FOXK2: variants seen among roughly 807,000 people sequenced by gnomAD.
The protein encoded by FOXK2 is forkhead box K2, also known as forkhead box protein K2.
In FOXK2, 24 loss-of-function variants were observed where a neutral mutation model predicts 53.3. The ratio of observed to expected loss-of-function variants is 0.45; its 90% CI spans 0.33 to 0.63. The LOEUF (loss-of-function observed/expected upper bound fraction) is 0.63. Among genes scored for constraint, FOXK2 ranks in the 30% least tolerant of loss-of-function variants. The pLI is 0.03. For missense variants in FOXK2, 952 were observed against 910.5 expected (o/e 1.05, Z -0.59); for synonymous variants, 505 against 407.1 (o/e 1.24, Z -2.89).
chr17:82,555,128 T>C (rs1203749316), intron 1 of FOXK2, among the ~76,000 whole-genome samples: 1 of 152,198 alleles, frequency 6.6e-6, no homozygotes, highest in Non-Finnish European at 1.5e-5. Flanking sequence ...CTCATCAGCC[T>C]AGTGTCTTCC....
At chr17:82,594,465 TC>T (rs1487720448) in intron 8 of FOXK2, among the ~76,000 whole-genome samples, 2 of 128,284 alleles carry the variant, frequency 1.6e-5, no homozygotes, top group Non-Finnish European at 3.1e-5. Context: ...GCCACTGCAC[TC>T]CCGCCTGGGC....
chr17:82,568,231 C>T (rs1471395544), intron 3 of FOXK2, 30 bp downstream of exon 3: 1 of 1,609,692 alleles, frequency 6.2e-7, no homozygotes, highest in Non-Finnish European at 8.5e-7. Context: ...GAAGCAGCCC[C>T]TGGGGGACAG....
chr17:82,585,848 C>T (rs529602671), intron 6 of FOXK2, 56 bp from the exon 7 acceptor site: 16 of 1,556,318 alleles, frequency 1.0e-5, no homozygotes, highest in South Asian at 4.7e-5. Context: ...GTGTGAGAAC[C>T]TTTGTTTGTA....
chr17:82,587,286 G>C lies in FOXK2; in HGVS notation c.1786+14G>C, dbSNP rs1178390800. Reference sequence around the variant, plus strand: ...AGGTGAACAATGGTAAGACATGCTGGTCGGTGGCTCCCCGTGGCTGTGGGT... The same window carrying C: ...AGGTGAACAATGGTAAGACATGCTGCTCGGTGGCTCCCCGTGGCTGTGGGT... On this transcript the variant is annotated intron_variant, in intron 8 of 8. Transcript: ENST00000335255. 13 of 1,605,430 alleles carry C rather than the reference G, an allele frequency of 8.1e-6. No homozygotes were observed. The highest frequency in any genetic ancestry group is 1.1e-5 in the Non-Finnish European group (13 of 1,173,818).
chr17:82,561,311 G>A (rs1052718071), intron 1 of FOXK2, among the ~76,000 whole-genome samples: 1 of 152,014 alleles, frequency 6.6e-6, no homozygotes, highest in East Asian at 1.9e-4. Context: ...CATATGAGGG[G>A]CCAGAGTGTA....
At chr17:82,591,926 T>C (rs191213519) in intron 8 of FOXK2, among the ~76,000 whole-genome samples, 1 of 152,216 alleles carries the variant, frequency 6.6e-6, no homozygotes. Flanking sequence ...TGTTTTGAGA[T>C]ACTGTCTTGC....
chr17:82,555,570 G>A (rs892291319), intron 1 of FOXK2, among the ~76,000 whole-genome samples: 4 of 152,170 alleles, frequency 2.6e-5, no homozygotes, highest in Admixed American at 6.5e-5. Flanking sequence ...TGTCCATGCA[G>A]TCACAACCCA....
At chr17:82,559,380 C>T in intron 1 of FOXK2, 1 of 456,358 alleles carries the variant, frequency 2.2e-6, no homozygotes, top group Non-Finnish European at 4.4e-6. Context: ...TGTGCAGAGC[C>T]CAGCAGAGAT....
At chr17:82,541,774 G>T (rs957497097) in intron 1 of FOXK2, among the ~76,000 whole-genome samples, 3 of 151,320 alleles carry the variant, frequency 2.0e-5, no homozygotes, top group African/African-American at 4.9e-5. Flanking sequence ...GCAGTGGTGC[G>T]ATCATGGCTC....
intron 2 of FOXK2, among the ~76,000 whole-genome samples, chr17:82,566,512 C>G (rs2044852964): frequency 6.6e-6 from 1 of 152,134 alleles, no homozygotes; most frequent in Non-Finnish European, 1.5e-5. Context: ...GTCCTGCCGC[C>G]CAGTGCTTAT....
intron 6 of FOXK2, among the ~76,000 whole-genome samples, chr17:82,584,869 G>A (rs571022377): frequency 2.0e-5 from 3 of 152,302 alleles, no homozygotes; most frequent in African/African-American, 7.2e-5. Flanking sequence ...TCCATTTTAA[G>A]GAATAGGTAA....
chr17:82,548,319 A>G (rs2044646175), intron 1 of FOXK2, among the ~76,000 whole-genome samples: 1 of 151,688 alleles, frequency 6.6e-6, no homozygotes, highest in Non-Finnish European at 1.5e-5. Context: ...TATATTAGCC[A>G]TTATCTGGGT....
intron 1 of FOXK2, among the ~76,000 whole-genome samples, chr17:82,548,152 A>C (rs564616713): frequency 1.3e-5 from 2 of 152,304 alleles, no homozygotes; most frequent in South Asian, 2.1e-4. Context: ...GATAACTACA[A>C]GTACGAGTGG....
chr17:82,549,003 C>G (rs573192348), intron 1 of FOXK2, among the ~76,000 whole-genome samples: 130 of 152,336 alleles, frequency 8.5e-4, no homozygotes, highest in Middle Eastern at 6.8e-3. Flanking sequence ...GTCTGGTGAT[C>G]CAGATGAGAG....
chr17:82,559,091 A>G (rs1234415972), intron 1 of FOXK2, among the ~76,000 whole-genome samples: 1 of 151,688 alleles, frequency 6.6e-6, no homozygotes, highest in African/African-American at 2.4e-5. Flanking sequence ...ATGGGGTTTC[A>G]CCGTGTTGGT....
At chr17:82,577,167 A>G (rs919066131) in intron 4 of FOXK2, 24 of 923,500 alleles carry the variant, frequency 2.6e-5, no homozygotes, top group Admixed American at 2.5e-4. Flanking sequence ...CGTCTCAAAA[A>G]AAGAAAAAGA....
intron 1 of FOXK2, among the ~76,000 whole-genome samples, chr17:82,533,528 A>T (rs1343727618): frequency 2.6e-5 from 4 of 152,026 alleles, no homozygotes; most frequent in African/African-American, 9.7e-5. Context: ...CATAACCAGT[A>T]ACTGTCATTT....
intron 1 of FOXK2, among the ~76,000 whole-genome samples, chr17:82,558,640 G>T (rs1453441120): frequency 2.6e-5 from 4 of 152,252 alleles, no homozygotes; most frequent in Non-Finnish European, 5.9e-5. Context: ...GACCGGCGGG[G>T]AGTCTGTTCT....
At chr17:82,549,011 G>A (rs1285229994) in intron 1 of FOXK2, among the ~76,000 whole-genome samples, 4 of 152,224 alleles carry the variant, frequency 2.6e-5, no homozygotes, top group Non-Finnish European at 4.4e-5. Flanking sequence ...ATCCAGATGA[G>A]AGGACCAGCG....
Sources: allele counts gnomAD v4.1 joint callset (sites outside exome capture counted in the v4.1 genomes callset), GRCh38; gene constraint gnomAD v4.1.1; transcripts MANE v1.5; gene names NCBI Gene and HGNC (gene_info 2026-07-23, HGNC 2026-07-21).